ZNF764: variants seen among roughly 807,000 people sequenced by gnomAD.
ZNF764 encodes the protein zinc finger protein 764.
A neutral mutation model predicts 13.9 loss-of-function variants in ZNF764; 10 were observed. That is an observed-to-expected ratio of 0.72 (90% CI 0.44 to 1.22). ZNF764 has a LOEUF of 1.22. Among genes scored for constraint, ZNF764 ranks in the 50% most tolerant of loss-of-function variants. ZNF764 has a pLI of 0.00. For missense variants in ZNF764, 647 were observed against 589.7 expected, an observed-to-expected ratio of 1.10 and a Z score of -1.01; for synonymous variants, 313 against 255.1, an observed-to-expected ratio of 1.23 and a Z score of -2.16.
At position 30,555,112 on chromosome 16, in the gene ZNF764, C is replaced by T; in HGVS notation, c.*82G>A. 4 of 1,488,286 alleles carry T rather than the reference C, an allele frequency of 2.7e-6. No individual in the cohort carries two copies. Among genetic ancestry groups the T allele is most frequent in the Non-Finnish European group, 3.6e-6 (4 of 1,110,382 alleles). The allele number at this position is 1,488,286 out of a possible 1,614,324, so 92.2% of individuals were successfully genotyped here. A position where few individuals can be genotyped will look rare whatever the true frequency, so the allele number is the denominator to read the frequency against. ...GCTCTTGCCCTAGATTCTGGGACCT[C>T]CCTGCAGGCCGCCGCAGAGGTTCGG... On this transcript the variant is annotated 3_prime_UTR_variant, in exon 3 of 3. Transcript: ENST00000395091.
At chr16:30,557,890 T>C in intron 1 of ZNF764, 44 bp from the exon 2 acceptor site, 1 of 1,575,504 alleles carries the variant, frequency 6.3e-7, no homozygotes, top group Non-Finnish European at 8.6e-7. Context: ...GGAGGCCACC[T>C]GCCCGGCCCC....
chr16:30,555,795 C>T lies in ZNF764; in HGVS notation c.623G>A (p.Gly208Asp). 1.2e-6 allele frequency: 2 copies of T among 1,610,726 alleles called. No homozygotes were observed. Among genetic ancestry groups the T allele is most frequent in the African/African-American group, 2.7e-5 (2 of 74,990 alleles). ...GEKPFHCTDC[G>D]KGFGHASSLS... ...GGAGGAAGCGTGGCCGAAGCCCTTGCCGCAGTCAGTGCAGTGGAAGGGCTT... is the reference window on the plus strand; with the variant it reads ...GGAGGAAGCGTGGCCGAAGCCCTTGTCGCAGTCAGTGCAGTGGAAGGGCTT... The change falls in exon 3 of 3, where the codon GGC becomes GAC. Residue 208 changes from glycine to aspartate, a missense_variant. Gly to Asp is a moderately conservative substitution (Grantham distance 94, BLOSUM62 -1). Transcript: ENST00000395091.
chr16:30,555,532 C>CG lies in ZNF764; in HGVS notation c.885dup (p.Ala296ArgfsTer121). The CG allele has an allele frequency of 2.6e-6, 4 of 1,531,480 alleles. No homozygotes were observed. The highest frequency in any genetic ancestry group is 3.5e-6 in the Non-Finnish European group (4 of 1,145,090). 94.9% of individuals were successfully genotyped at this position (1,531,480 alleles called of 1,614,324 possible). ...TGGCGCCGCAGGTCCGAGGGGTAGG[C>CG]GAAGGCGCGGCCACAGTCCGGGCAG... On this transcript the variant is annotated frameshift_variant, in exon 3 of 3. Coordinates refer to ENST00000395091, the MANE Select transcript of ZNF764 (RefSeq NM_001172679.2). LOFTEE classifies it low-confidence loss of function (END_TRUNC).
chr16:30,556,202 C>T, intron 2 of ZNF764, 95 bp from the exon 3 acceptor site: 1 of 1,446,344 alleles, frequency 6.9e-7, no homozygotes, highest in Non-Finnish European at 9.5e-7. Context: ...TGCTGGATCC[C>T]CGGCTGCTCC....
intron 2 of ZNF764, 55 bp downstream of exon 2, chr16:30,557,678 C>A: frequency 1.9e-6 from 3 of 1,599,240 alleles, no homozygotes; most frequent in Non-Finnish European, 2.6e-6. Context: ...CAGAGGGTAC[C>A]GGGATGGGAC....
At chr16:30,557,149 A>C (rs2051563770) in intron 2 of ZNF764, among the ~76,000 whole-genome samples, 1 of 151,800 alleles carries the variant, frequency 6.6e-6, no homozygotes, top group Non-Finnish European at 1.5e-5. Flanking sequence ...CAAAAAAAAA[A>C]AAAAAAATTA....
At position 30,555,644 on chromosome 16, in the gene ZNF764, A is replaced by G. The variant is rs1397261607; in HGVS notation, c.774T>C (p.Tyr258=). 1.3e-6 allele frequency: 2 copies of G among 1,542,456 alleles called. No homozygotes were observed. The highest frequency in any genetic ancestry group is 2.7e-5 in the African/African-American group (2 of 73,422). The part of the protein sequence containing the change: ...HLRVHTGEKP[Y]GCADCGRRFS... ...AGCGGCGGCCACAGTCGGCGCAGCC[A>G]TAGGGTTTCTCGCCGGTGTGGACGC... Residue 258 remains tyrosine (Y), a synonymous_variant, in exon 3 of 3, where the codon TAT becomes TAC. Coordinates refer to ENST00000395091, the MANE Select transcript of ZNF764 (RefSeq NM_001172679.2).
In ZNF764 at chr16:30,555,558, G is replaced by A; in HGVS notation, c.860C>T (p.Pro287Leu). The A allele has an allele frequency of 6.5e-7, 1 of 1,535,046 alleles. No homozygotes were observed. The highest frequency in any genetic ancestry group is 1.4e-5 in the African/African-American group (1 of 73,120). The stretch of plus-strand genomic sequence containing the variant: ...GAAGGCGCGGCCACAGTCCGGGCAG[G>A]GGAAGGGGGTCTCGCCGCTGTGCAC... ...RRVHSGETPF[P>L]CPDCGRAFAY... The change falls in exon 3 of 3, where the codon CCC becomes CTC. Residue 287 changes from proline to leucine, a missense_variant. Physicochemically the swap from Pro to Leu is moderately conservative, Grantham distance 98. Transcript: ENST00000395091.
In ZNF764 at chr16:30,555,192, C is replaced by T. The variant is rs779171871; in HGVS notation, c.*2G>A. The T allele has an allele frequency of 8.1e-6, 13 of 1,604,446 alleles. No individual in the cohort carries two copies. The highest frequency in any genetic ancestry group is 5.4e-5 in the African/African-American group (4 of 74,438). Reference sequence around the variant, plus strand: ...ATGTCTAGATAGTCACTTTTAAGGCCGTCACCCACACTCCTGGAATATCTC... The same window carrying T: ...ATGTCTAGATAGTCACTTTTAAGGCTGTCACCCACACTCCTGGAATATCTC... On this transcript the variant is annotated 3_prime_UTR_variant, in exon 3 of 3. Transcript: ENST00000395091.
In ZNF764 at chr16:30,556,108, C is replaced by T. The variant is rs2051554250; in HGVS notation, c.311-1G>A. ...CTTTCCTTTTTCTTGTTTCTGGAATCTGCTGAGAGATAAAGAGGGGAGAGT... is the reference window on the plus strand; with the variant it reads ...CTTTCCTTTTTCTTGTTTCTGGAATTTGCTGAGAGATAAAGAGGGGAGAGT... On this transcript the variant is annotated splice_acceptor_variant, in intron 2 of 2. Transcript: ENST00000395091. LOFTEE classifies it high-confidence loss of function. 1 of 1,610,546 alleles carries T rather than the reference C, an allele frequency of 6.2e-7. No homozygotes were observed. The highest frequency in any genetic ancestry group is 1.1e-5 in the South Asian group (1 of 91,010).
At position 30,555,289 on chromosome 16, in the gene ZNF764, CG is replaced by C; in HGVS notation, c.1128del (p.Arg378ValfsTer4). 6.2e-7 allele frequency: 1 copy of C among 1,611,806 alleles called. No individual in the cohort carries two copies. Among genetic ancestry groups the C allele is most frequent in the African/African-American group, 1.3e-5 (1 of 75,022 alleles). ...GGGGTCAGGGTCACAGACAGACGCCCGGCGACCCGGCCCCTGTGGCCCCCGG... is the reference window on the plus strand; with the variant it reads ...GGGGTCAGGGTCACAGACAGACGCCCGCGACCCGGCCCCTGTGGCCCCCGG... ...PGAGGHRGRV[A>X]GRLSVTLTPG... On this transcript the variant is annotated frameshift_variant, in exon 3 of 3. Transcript: ENST00000395091. LOFTEE classifies it low-confidence loss of function (END_TRUNC).
At position 30,555,955 on chromosome 16, in the gene ZNF764, G is replaced by T. The variant is rs747903943; in HGVS notation, c.463C>A (p.His155Asn). Residue 155 changes from histidine to asparagine, a missense_variant, in exon 3 of 3, where the codon CAC becomes AAC. Physicochemically the swap from His to Asn is moderately conservative, Grantham distance 68. Coordinates refer to ENST00000395091, the MANE Select transcript of ZNF764 (RefSeq NM_001172679.2). ...GCACAGAGGGAGGGGCGTCCCCGGT[G>T]CGGTGCCTTGGACAGCTGCTCCCAA... The part of the protein sequence containing the change: ...YGWEQLSKAP[H>N]RGRPSLCAHP... 3 of 1,611,930 alleles carry T rather than the reference G, an allele frequency of 1.9e-6. No homozygotes were observed. Among genetic ancestry groups the T allele is most frequent in the Non-Finnish European group, 1.7e-6 (2 of 1,179,824 alleles).
In ZNF764 at chr16:30,558,121, C is replaced by G; in HGVS notation, c.62G>C (p.Arg21Thr). Reference sequence around the variant, plus strand: ...CGCGAAGCTCACAGCCCCCGGCTCCCTCCACTCGGGTCCGGCCCCGTTTGG... The same window carrying G: ...CGCGAAGCTCACAGCCCCCGGCTCCGTCCACTCGGGTCCGGCCCCGTTTGG... ...RDPNGAGPEWREPGAVSFADV... is the reference protein window; with the variant it reads ...RDPNGAGPEWTEPGAVSFADV... Residue 21 changes from arginine to threonine, a missense_variant, in exon 1 of 3, where the codon AGG becomes ACG. By Grantham distance (71) the Arg-to-Thr change is moderately conservative (BLOSUM62 -1). Transcript: ENST00000395091. 1 of 1,608,328 alleles carries G rather than the reference C, an allele frequency of 6.2e-7. No individual in the cohort carries two copies.
rs779583327 is a variant in ZNF764, at chr16:30,555,624, C to T, written c.794G>A (p.Arg265His). 4 of 1,533,068 alleles carry T rather than the reference C, an allele frequency of 2.6e-6. No homozygotes were observed. Among genetic ancestry groups the T allele is most frequent in the Non-Finnish European group, 8.7e-7 (1 of 1,144,362 alleles). 95.0% of individuals were successfully genotyped at this position (1,533,068 alleles called of 1,614,324 possible). A position where few individuals can be genotyped will look rare whatever the true frequency, so the allele number is the denominator to read the frequency against. Residue 265 changes from arginine to histidine, a missense_variant, in exon 3 of 3, where the codon CGC (arginine) becomes CAC (histidine). By Grantham distance (29) the Arg-to-His change is conservative. Coordinates refer to ENST00000395091, the MANE Select transcript of ZNF764 (RefSeq NM_001172679.2). Reference protein sequence around the residue: ...EKPYGCADCGRRFSQSSALYQ... With the variant: ...EKPYGCADCGHRFSQSSALYQ... The stretch of plus-strand genomic sequence containing the variant: ...GAGGGCAGAGCTCTGGCTGAAGCGG[C>T]GGCCACAGTCGGCGCAGCCATAGGG...
In ZNF764 at chr16:30,555,709, G is replaced by T; in HGVS notation, c.709C>A (p.Arg237=). 6.3e-7 allele frequency: 1 copy of T among 1,586,628 alleles called. No individual in the cohort carries two copies. Among genetic ancestry groups the T allele is most frequent in the Non-Finnish European group, 8.6e-7 (1 of 1,169,120 alleles). The part of the protein sequence containing the change: ...ERPHRCLECG[R]AFTQRSALTS... ...AGCGCCGAGCGCTGCGTGAAGGCCC[G>T]GCCACACTCCAGACAGCGGTGGGGC... The change falls in exon 3 of 3, where the codon CGG becomes AGG. Residue 237 remains arginine, a synonymous_variant. Coordinates refer to ENST00000395091, the MANE Select transcript of ZNF764 (RefSeq NM_001172679.2).
chr16:30,558,235 G>C lies in ZNF764; in HGVS notation c.-53C>G. 1.4e-6 allele frequency: 2 copies of C among 1,476,534 alleles called. No individual in the cohort carries two copies. The highest frequency in any genetic ancestry group is 1.8e-6 in the Non-Finnish European group (2 of 1,119,520). The allele number at this position is 1,476,534 out of a possible 1,614,324, so 91.5% of individuals were successfully genotyped here. A position where few individuals can be genotyped will look rare whatever the true frequency, so the allele number is the denominator to read the frequency against. On this transcript the variant is annotated 5_prime_UTR_variant, in exon 1 of 3. Transcript: ENST00000395091. ...GGCTGCCTCCCCTGGCCTGGCCTGG[G>C]CCTGCGGAACCTCCTGCGCCCGAGA...
At position 30,556,539 on chromosome 16, in the gene ZNF764, G is replaced by A. The variant is rs544227115; in HGVS notation, c.311-432C>T. 3.9e-5 allele frequency among the ~76,000 whole-genome samples: 6 copies of A among 152,188 alleles called. No individual in the cohort carries two copies. The East Asian group carries it at 9.7e-4, about 24-fold the overall frequency. ...GGAACCAGCCTGCAGGTGAACGGCA[G>A]GGGTGGGTCCTGAGGTGGAGGTAGA... is the stretch of plus-strand genomic sequence containing the variant. On this transcript the variant is annotated intron_variant, in intron 2 of 2. Coordinates refer to ENST00000395091, the MANE Select transcript of ZNF764 (RefSeq NM_001172679.2).
Position 30,555,734 on chromosome 16 carries a change from C to T in ZNF764, c.684G>A (p.Arg228=). 6.3e-7 allele frequency: 1 copy of T among 1,598,826 alleles called. No individual in the cohort carries two copies. The highest frequency in any genetic ancestry group is 8.5e-7 in the Non-Finnish European group (1 of 1,175,022). ...GGCCACACTCCAGACAGCGGTGGGG[C>T]CGCTCCCCACGATGGATGGCCCGGT... ...SKHRAIHRGE[R]PHRCLECGRA... Residue 228 remains arginine (R), a synonymous_variant, in exon 3 of 3, where the codon CGG becomes CGA. Coordinates refer to ENST00000395091, the MANE Select transcript of ZNF764 (RefSeq NM_001172679.2).
chr16:30,555,882 C>CA lies in ZNF764; in HGVS notation c.535dup (p.Cys179LeufsTer28). On this transcript the variant is annotated frameshift_variant, in exon 3 of 3. Coordinates refer to ENST00000395091, the MANE Select transcript of ZNF764 (RefSeq NM_001172679.2). LOFTEE classifies it low-confidence loss of function (END_TRUNC). Reference sequence around the variant, plus strand: ...GGAGCGCCAGGCAAAGCTCTTCCCGCACACGTAGCAGCCATGACGCTGGTC... The same window carrying CA: ...GGAGCGCCAGGCAAAGCTCTTCCCGCAACACGTAGCAGCCATGACGCTGGTC... 1 of 1,612,238 alleles carries CA rather than the reference C, an allele frequency of 6.2e-7. No individual in the cohort carries two copies. Among genetic ancestry groups the CA allele is most frequent in the Middle Eastern group, 1.7e-4 (1 of 5,942 alleles).
Sources: allele counts gnomAD v4.1 joint callset (sites outside exome capture counted in the v4.1 genomes callset), GRCh38; gene constraint gnomAD v4.1.1; transcripts MANE v1.5; gene names NCBI Gene and HGNC (gene_info 2026-07-23, HGNC 2026-07-21).